Variants in ENTPD5 observed in about 807,000 individuals in gnomAD.
ENTPD5 encodes ectonucleoside triphosphate diphosphohydrolase 5 (inactive).
Under a neutral mutation model 60.2 loss-of-function variants are expected in ENTPD5, and 49 were observed. The ratio of observed to expected loss-of-function variants is 0.81; its 90% confidence interval spans 0.65 to 1.03. ENTPD5 has a LOEUF of 1.03. Among genes scored for constraint, ENTPD5 ranks in the 50% least tolerant of loss-of-function variants. ENTPD5 has a pLI of 0.00. For missense variants in ENTPD5, 480 were observed against 507.6 expected (o/e 0.95, Z 0.52); for synonymous variants, 187 against 185.4 (o/e 1.01, Z -0.07).
rs1393457716 is a variant in ENTPD5, at chr14:73,973,977, C to T, written c.786G>A (p.Gly262=). The T allele has an allele frequency of 1.1e-5, 17 of 1,613,870 alleles. No homozygotes were observed. Among genetic ancestry groups the T allele is most frequent in the Non-Finnish European group, 1.2e-5 (14 of 1,179,820 alleles). Residue 262 remains glycine (G), a splice_region_variant and synonymous_variant, in exon 12 of 16, where the codon GGG becomes GGA. Transcript: ENST00000334696. ...CACTCCGGAAAGTGTGCCCATCAGTCCCTGAAAGAATCCAGGGCACAAGGT... is the reference window on the plus strand; with the variant it reads ...CACTCCGGAAAGTGTGCCCATCAGTTCCTGAAAGAATCCAGGGCACAAGGT... ...LATLGALETE[G]TDGHTFRSAC...
rs1170626544 is a variant in ENTPD5 at position 73,970,140 on chromosome 14, A to G, written c.1085-15T>C. 1.3e-6 allele frequency: 2 copies of G among 1,576,332 alleles called. No individual in the cohort carries two copies. Among genetic ancestry groups the G allele is most frequent in the African/African-American group, 1.3e-5 (1 of 74,108 alleles). On this transcript the variant is annotated splice_polypyrimidine_tract_variant and intron_variant, in intron 14 of 15. Coordinates refer to ENST00000334696, the MANE Select transcript of ENTPD5 (RefSeq NM_001249.5). Reference sequence around the variant, plus strand: ...GTTATCACACACTGAAAGAGAGAGTAAACAGTGGAGCTCAAGTTTGCAACT... The same window carrying G: ...GTTATCACACACTGAAAGAGAGAGTGAACAGTGGAGCTCAAGTTTGCAACT...
At chr14:73,997,764 G>C (rs1256108977) in intron 3 of ENTPD5, among the ~76,000 whole-genome samples, 2 of 152,112 alleles carry the variant, frequency 1.3e-5, no homozygotes, top group African/African-American at 4.8e-5. Flanking sequence ...GTCTAAGGTG[G>C]GTGGTGCATG....
chr14:73,970,013 T>TA lies in ENTPD5; in HGVS notation c.1196dup (p.Leu399PhefsTer79). On this transcript the variant is annotated frameshift_variant, in exon 15 of 16. Transcript: ENST00000334696. LOFTEE classifies it high-confidence loss of function. ...ACTCTGGTGTCCTGTCTCTTACCTG[T>TA]AAGACTGTGCTGTCTGCAAAGCCAA... 1 of 1,610,348 alleles carries TA rather than the reference T, an allele frequency of 6.2e-7. No individual in the cohort carries two copies. The highest frequency in any genetic ancestry group is 8.5e-7 in the Non-Finnish European group (1 of 1,176,634).
chr14:73,986,607 C>T (rs562038371), intron 5 of ENTPD5: 79 of 561,558 alleles, frequency 1.4e-4, no homozygotes, highest in African/African-American at 1.4e-3. Flanking sequence ...TGCATTACCA[C>T]AACCAATTTT....
intron 2 of ENTPD5, among the ~76,000 whole-genome samples, chr14:74,013,908 T>C (rs1407100353): frequency 6.6e-6 from 1 of 152,094 alleles, no homozygotes; most frequent in Non-Finnish European, 1.5e-5. Context: ...TTAGGTAATT[T>C]TTCATTGCTT....
At chr14:74,014,652 A>G (rs985546055) in intron 2 of ENTPD5, among the ~76,000 whole-genome samples, 2 of 152,250 alleles carry the variant, frequency 1.3e-5, no homozygotes, top group African/African-American at 4.8e-5. Flanking sequence ...TCTAAAAGTG[A>G]TAAGATTAAA....
chr14:73,955,789 C>T, downstream of ENTPD5: 1 of 1,614,138 alleles, frequency 6.2e-7, no homozygotes, highest in Non-Finnish European at 8.5e-7. Context: ...TGCAGACTTT[C>T]CTTTTGTGTT....
At chr14:73,986,409 C>T (rs1379153691) in intron 5 of ENTPD5, 1 of 166,770 alleles carries the variant, frequency 6.0e-6, no homozygotes, top group Admixed American at 5.7e-5. Flanking sequence ...TTCCATCCTG[C>T]ATCAAGGCAC....
intron 1 of ENTPD5, among the ~76,000 whole-genome samples, chr14:74,017,884 T>C (rs1324907053): frequency 8.4e-6 from 1 of 118,670 alleles, no homozygotes; most frequent in African/African-American, 3.3e-5. Flanking sequence ...AACTCTTGTC[T>C]CAAAAAAAAG....
intron 3 of ENTPD5, among the ~76,000 whole-genome samples, chr14:74,002,581 GAAGATCTTA>G (rs2058546052): frequency 6.6e-6 from 1 of 152,132 alleles, no homozygotes; most frequent in African/African-American, 2.4e-5. Flanking sequence ...AAGAGATTTT[GAAGATCTTA>G]ATTTCCTGCT....
chr14:73,973,063 C>T lies in ENTPD5; in HGVS notation c.887-39G>A, dbSNP rs750742625. On this transcript the variant is annotated intron_variant, in intron 12 of 15. Transcript: ENST00000334696. ...GTGCACAGGGGTAAGGTGAGAACGA[C>T]GCTGGGGGAAGGGGACACTCTCTGA... 3.9e-5 allele frequency: 63 copies of T among 1,608,960 alleles called. No individual in the cohort carries two copies. In the Admixed American group the frequency reaches 5.6e-4, roughly 14 times the overall value.
rs556194868 is a variant in ENTPD5 at position 73,966,301 on chromosome 14, CT to C, written c.*626del. 57 of 152,326 alleles carry C rather than the reference CT, an allele frequency of 3.7e-4. 1 individual carries two copies. The highest frequency in any genetic ancestry group is 1.4e-3 in the African/African-American group (57 of 41,572). 9.4% of individuals were successfully genotyped at this position (152,326 alleles called of 1,614,324 possible). A position where few individuals can be genotyped will look rare whatever the true frequency, so the allele number is the denominator to read the frequency against. The stretch of plus-strand genomic sequence containing the variant: ...ATGTCCCCAGAGACCGGGTGGCCTT[CT>C]TTCTTAAGGCTGTAATTTATGCACA... On this transcript the variant is annotated 3_prime_UTR_variant, in exon 16 of 16. Transcript: ENST00000334696.
downstream of ENTPD5, chr14:73,960,481 A>T: frequency 1.0e-6 from 1 of 993,222 alleles, no homozygotes; most frequent in South Asian, 4.5e-5. Flanking sequence ...AACAAGAATA[A>T]AGGGAACTGA....
intron 6 of ENTPD5, among the ~76,000 whole-genome samples, chr14:73,980,236 C>T (rs1308178685): frequency 2.0e-5 from 3 of 149,544 alleles, no homozygotes; most frequent in African/African-American, 4.9e-5. Context: ...CATGAGCCAC[C>T]GCGCCTGGCC....
chr14:74,005,364 C>CAAAAAAAAAA lies in ENTPD5; in HGVS notation c.-71+5726_-71+5727insTTTTTTTTTT, dbSNP rs35560902. Reference sequence around the variant, plus strand: ...TGGGTGAGAGAGCAAGACTCGGTCTCAAAAAAAAAGAAAAGAAATATAGGC... The same window carrying CAAAAAAAAAA: ...TGGGTGAGAGAGCAAGACTCGGTCTCAAAAAAAAAAAAAAAAAAAGAAAAGAAATATAGGC... On this transcript the variant is annotated intron_variant, in intron 3 of 15. Coordinates refer to ENST00000334696, the MANE Select transcript of ENTPD5 (RefSeq NM_001249.5). Among the ~76,000 whole-genome samples the CAAAAAAAAAA allele has an allele frequency of 4.8e-4, 56 of 117,026 alleles. 2 individuals are homozygous for CAAAAAAAAAA. Among genetic ancestry groups the CAAAAAAAAAA allele is most frequent in the East Asian group, 2.4e-3 (7 of 2,962 alleles). The allele number at this position is 117,026 out of a possible 152,430, so 76.8% of individuals were successfully genotyped here. A position where few individuals can be genotyped will look rare whatever the true frequency, so the allele number is the denominator to read the frequency against.
downstream of ENTPD5, chr14:73,961,270 A>T (rs374726749): frequency 6.2e-7 from 1 of 1,613,914 alleles, no homozygotes; most frequent in African/African-American, 1.3e-5. Flanking sequence ...TCGGCTCGCC[A>T]GCTGCCCCCA....
downstream of ENTPD5, chr14:73,961,593 G>A: frequency 1.2e-6 from 2 of 1,612,186 alleles, no homozygotes; most frequent in East Asian, 2.2e-5. Context: ...ATACTATGGG[G>A]AAGTATCCAG....
chr14:73,995,142 G>A (rs1395637015), intron 3 of ENTPD5, among the ~76,000 whole-genome samples: 5 of 151,162 alleles, frequency 3.3e-5, no homozygotes, highest in East Asian at 1.9e-4. Context: ...TCCGCCTCCC[G>A]GGTTCAAGCG....
At chr14:74,011,995 C>T (rs1247733886) in intron 2 of ENTPD5, among the ~76,000 whole-genome samples, 1 of 152,166 alleles carries the variant, frequency 6.6e-6, no homozygotes, top group Admixed American at 6.5e-5. Flanking sequence ...ACCTATGCAA[C>T]ATAAATCTGA....
Sources: gnomAD v4.1 joint callset for allele counts (sites outside exome capture counted in the v4.1 genomes callset) on GRCh38, gnomAD v4.1.1 for gene constraint, MANE v1.5 for transcripts, NCBI Gene and HGNC (gene_info 2026-07-23, HGNC 2026-07-21) for gene names.